FARS2: variants seen among roughly 807,000 people sequenced by gnomAD.
The protein encoded by FARS2 is phenylalanine--tRNA ligase, mitochondrial.
Under a neutral mutation model 46.4 loss-of-function variants are expected in FARS2, and 40 were observed. The ratio of observed to expected loss-of-function variants is 0.86; its 90% CI spans 0.67 to 1.12. FARS2 has a LOEUF of 1.12. FARS2 is among the 50% of genes most tolerant of loss of function. FARS2 has a pLI of 0.00. For synonymous variants in FARS2, 234 were observed against 214.9 expected, an observed-to-expected ratio of 1.09 and a Z score of -0.78; for missense variants, 513 against 567.9, an observed-to-expected ratio of 0.90 and a Z score of 0.98.
intron 4 of FARS2, chr6:5,466,756 T>A (rs924686355): frequency 1.0e-6 from 1 of 981,172 alleles, no homozygotes; most frequent in Non-Finnish European, 1.2e-6. Flanking sequence ...GCCTGGGATC[T>A]GTAGACTGAA....
At chr6:5,270,219 G>T (rs1183328274) in intron 1 of FARS2, among the ~76,000 whole-genome samples, 1 of 152,260 alleles carries the variant, frequency 6.6e-6, no homozygotes, top group Non-Finnish European at 1.5e-5. Context: ...GTTTCTTGAC[G>T]TTCTGAGATA....
At chr6:5,713,356 A>T (rs1582816088) in intron 6 of FARS2, among the ~76,000 whole-genome samples, 1 of 152,232 alleles carries the variant, frequency 6.6e-6, no homozygotes, top group African/African-American at 2.4e-5. Flanking sequence ...TATGCAAGTC[A>T]ATTGTAAAAT....
At chr6:5,745,948 C>A (rs1033455590) in intron 6 of FARS2, among the ~76,000 whole-genome samples, 1 of 152,104 alleles carries the variant, frequency 6.6e-6, no homozygotes, top group Non-Finnish European at 1.5e-5. Flanking sequence ...TGGAAGGAAC[C>A]CCAAAAGGCT....
At chr6:5,710,724 AT>A (rs1759091293) in intron 6 of FARS2, among the ~76,000 whole-genome samples, 1 of 152,212 alleles carries the variant, frequency 6.6e-6, no homozygotes, top group Non-Finnish European at 1.5e-5. Context: ...AGGGCTCTGG[AT>A]TTCCGGAGAG....
rs116506884 is a variant in FARS2, at chr6:5,639,277, C to T, written c.1217+25957C>T. Among the ~76,000 whole-genome samples the T allele has an allele frequency of 4.6e-3, 699 of 152,274 alleles. 10 individuals carry two copies. Among genetic ancestry groups the T allele is most frequent in the African/African-American group, 0.016 (658 of 41,572 alleles). On this transcript the variant is annotated intron_variant, in intron 6 of 6. Transcript: ENST00000274680. ...TGTGTTTCTTCAGCCTTTCGGTGGC[C>T]AGCATATTCCCAGTGCCAGGGCCCA...
chr6:5,642,162 G>A (rs1451875528), intron 6 of FARS2, among the ~76,000 whole-genome samples: 1 of 152,176 alleles, frequency 6.6e-6, no homozygotes, highest in African/African-American at 2.4e-5. Flanking sequence ...GTGTATGTCT[G>A]TATGTGTGTA....
At chr6:5,590,737 G>T (rs1773867978) in intron 5 of FARS2, among the ~76,000 whole-genome samples, 1 of 152,148 alleles carries the variant, frequency 6.6e-6, no homozygotes, top group Non-Finnish European at 1.5e-5. Context: ...TTAATTTTTT[G>T]AGGGAAGAGA....
intron 1 of FARS2, among the ~76,000 whole-genome samples, chr6:5,328,514 C>G (rs1368447408): frequency 6.6e-6 from 1 of 152,164 alleles, no homozygotes; most frequent in Admixed American, 6.5e-5. Flanking sequence ...GAGCTCTGTG[C>G]CCCTGAGCTC....
At chr6:5,714,096 G>A (rs1759348504) in intron 6 of FARS2, among the ~76,000 whole-genome samples, 1 of 152,200 alleles carries the variant, frequency 6.6e-6, no homozygotes, top group East Asian at 1.9e-4. Flanking sequence ...GTGCGCGTGT[G>A]TCGAGCTTTG....
At chr6:5,770,670 G>A (rs1762988715) in intron 6 of FARS2, among the ~76,000 whole-genome samples, 2 of 152,166 alleles carry the variant, frequency 1.3e-5, no homozygotes, top group South Asian at 2.1e-4. Context: ...TCATCTCCAC[G>A]TATTCCAGAA....
chr6:5,597,088 C>T (rs192606594), intron 5 of FARS2, among the ~76,000 whole-genome samples: 3 of 152,210 alleles, frequency 2.0e-5, no homozygotes, highest in Non-Finnish European at 4.4e-5. Flanking sequence ...GAAGGCCTGG[C>T]GCTGGCACTG....
At chr6:5,611,864 C>T (rs1416707958) in intron 5 of FARS2, among the ~76,000 whole-genome samples, 3 of 152,150 alleles carry the variant, frequency 2.0e-5, no homozygotes, top group African/African-American at 7.2e-5. Context: ...TGTGGTACCT[C>T]AGCTTGGATT....
intron 3 of FARS2, among the ~76,000 whole-genome samples, chr6:5,411,341 T>A (rs560892925): frequency 6.6e-6 from 1 of 152,306 alleles, no homozygotes; most frequent in East Asian, 1.9e-4. Flanking sequence ...CTGCCTCTGA[T>A]TCTGCCTCTG....
intron 4 of FARS2, among the ~76,000 whole-genome samples, chr6:5,517,383 A>T (rs1170644302): frequency 6.6e-6 from 1 of 152,148 alleles, no homozygotes; most frequent in Non-Finnish European, 1.5e-5. Flanking sequence ...AGGCCGAGGC[A>T]GGCAGATCCA....
chr6:5,320,517 G>T (rs1323723247), intron 1 of FARS2, among the ~76,000 whole-genome samples: 1 of 152,156 alleles, frequency 6.6e-6, no homozygotes, highest in Non-Finnish European at 1.5e-5. Flanking sequence ...GCATTCTTTG[G>T]ACCACTTAAG....
chr6:5,497,502 A>G (rs1767542760), intron 4 of FARS2, among the ~76,000 whole-genome samples: 1 of 152,062 alleles, frequency 6.6e-6, no homozygotes, highest in African/African-American at 2.4e-5. Context: ...TAAATGTCAG[A>G]AAAATGAGTA....
At chr6:5,705,886 G>A (rs1758725641) in intron 6 of FARS2, among the ~76,000 whole-genome samples, 1 of 152,114 alleles carries the variant, frequency 6.6e-6, no homozygotes, top group Non-Finnish European at 1.5e-5. Flanking sequence ...TGCGCTCGCT[G>A]CCTCCTCTGA....
At chr6:5,370,785 G>A (rs1282399238) in intron 2 of FARS2, among the ~76,000 whole-genome samples, 1 of 152,034 alleles carries the variant, frequency 6.6e-6, no homozygotes, top group Non-Finnish European at 1.5e-5. Flanking sequence ...ATTTGTTTTG[G>A]GTCCAGTCCA....
Position 5,506,170 on chromosome 6 carries a change from G to A in FARS2, c.905-39010G>A, listed in dbSNP as rs972620068. ...TCCCAGTGGAGAGCAGGGCAAGAAA[G>A]CCTATTCCCAACTTCAAGGTCTTTT... On this transcript the variant is annotated intron_variant, in intron 4 of 6. Transcript: ENST00000274680. Among the ~76,000 whole-genome samples, 3 of 152,190 alleles carry A rather than the reference G, an allele frequency of 2.0e-5. No homozygotes were observed. The East Asian group carries it at 5.8e-4, about 29-fold the overall frequency.
Sources: gnomAD v4.1 joint callset for allele counts (sites outside exome capture counted in the v4.1 genomes callset) on GRCh38, gnomAD v4.1.1 for gene constraint, MANE v1.5 for transcripts, NCBI Gene and HGNC (gene_info 2026-07-23, HGNC 2026-07-21) for gene names.